The following ZDHHC18 variants were observed in gnomAD, a reference collection of about 807,000 sequenced individuals.
ZDHHC18 encodes the protein zDHHC palmitoyltransferase 18.
A neutral mutation model predicts 37.5 loss-of-function variants in ZDHHC18; 23 were observed. The observed-to-expected ratio is 0.61, with a 90% CI of 0.44 to 0.87. The LOEUF is 0.87. Among genes scored for constraint, ZDHHC18 ranks in the 40% least tolerant of loss-of-function variants. The pLI, the probability that ZDHHC18 is intolerant of heterozygous loss-of-function variation, is 0.00. For synonymous variants in ZDHHC18, 185 were observed against 218.7 expected, an observed-to-expected ratio of 0.85 and a Z score of 1.36; for missense variants, 406 against 525.6, an observed-to-expected ratio of 0.77 and a Z score of 2.22.
intron 2 of ZDHHC18, among the ~76,000 whole-genome samples, chr1:26,842,149 A>AG (rs1382158793): frequency 1.5e-4 from 22 of 149,766 alleles, no homozygotes; most frequent in Non-Finnish European, 2.4e-4. Context: ...AAAAAAAAAA[A>AG]AGAGAGAGAG....
At chr1:26,847,253 T>C (rs1392864151) in intron 2 of ZDHHC18, among the ~76,000 whole-genome samples, 6 of 152,060 alleles carry the variant, frequency 3.9e-5, no homozygotes, top group Non-Finnish European at 8.8e-5. Context: ...TCACCCTGGC[T>C]AGAGTGCAAT....
At chr1:26,832,314 C>G in intron 1 of ZDHHC18, 133 bp from the exon 2 acceptor site, 1 of 1,117,230 alleles carries the variant, frequency 9.0e-7, no homozygotes, top group South Asian at 1.5e-5. Context: ...AGCTGTGCCT[C>G]TGCCTCAGAG....
At chr1:26,828,514 T>C (rs904627648) in intron 1 of ZDHHC18, among the ~76,000 whole-genome samples, 1 of 152,038 alleles carries the variant, frequency 6.6e-6, no homozygotes, top group Admixed American at 6.6e-5. Context: ...AGTACTTGTG[T>C]TGTCTTTATC....
chr1:26,851,320 C>A, intron 6 of ZDHHC18, 89 bp downstream of exon 6: 1 of 1,262,908 alleles, frequency 7.9e-7, no homozygotes, highest in Non-Finnish European at 1.2e-6. Context: ...CAAGCACAGT[C>A]CTGACTCACG....
chr1:26,826,690 T>G lies in ZDHHC18; in HGVS notation c.-115T>G. On this transcript the variant is annotated 5_prime_UTR_variant, in exon 1 of 8. Coordinates refer to ENST00000374142, the MANE Select transcript of ZDHHC18 (RefSeq NM_032283.3). This position sits in a 1 kb window ranked among gnomAD's most constrained non-coding sequence, Gnocchi z 5.2. ...CGGAGCGATGGCGGGGCCGCCCCAG[T>G]GAGTGAGCGAGCGAGCGCCGCGCGC... is the stretch of plus-strand genomic sequence containing the variant. The G allele has an allele frequency of 6.3e-6, 2 of 315,182 alleles. No individual in the cohort carries two copies. The highest frequency in any genetic ancestry group is 9.1e-6 in the Non-Finnish European group (2 of 219,954). 19.5% of individuals were successfully genotyped at this position (315,182 alleles called of 1,614,324 possible).
intron 1 of ZDHHC18, among the ~76,000 whole-genome samples, chr1:26,828,762 G>A (rs1454485889): frequency 6.6e-6 from 1 of 151,650 alleles, no homozygotes; most frequent in African/African-American, 2.4e-5. Context: ...AAGCTCTGGG[G>A]GGCCCAGAGC....
At chr1:26,845,488 A>G (rs1307988945) in intron 2 of ZDHHC18, among the ~76,000 whole-genome samples, 3 of 149,524 alleles carry the variant, frequency 2.0e-5, no homozygotes, top group Non-Finnish European at 4.4e-5. Flanking sequence ...GCCCACCACC[A>G]CACCCAGCTA....
intron 2 of ZDHHC18, among the ~76,000 whole-genome samples, chr1:26,839,761 T>C (rs1399454139): frequency 6.6e-6 from 1 of 152,204 alleles, no homozygotes; most frequent in African/African-American, 2.4e-5. Flanking sequence ...GAGAGTGGAC[T>C]TGCTCCAGGT....
chr1:26,829,744 GAATT>G (rs1013167733), intron 1 of ZDHHC18, among the ~76,000 whole-genome samples: 2 of 151,562 alleles, frequency 1.3e-5, no homozygotes, highest in African/African-American at 4.8e-5. Flanking sequence ...CAGTGTATTT[GAATT>G]AATTGACAGT....
Position 26,826,826 on chromosome 1 carries a change from C to T in ZDHHC18, c.22C>T (p.Gln8Ter), listed in dbSNP as rs910586635. MKDCEYQ[Q>*]ISPGAAPLPA... Reference sequence around the variant, plus strand: ...CTGCATGAAGGACTGCGAGTACCAGCAGATCAGCCCCGGGGCCGCCCCGCT... The same window carrying T: ...CTGCATGAAGGACTGCGAGTACCAGTAGATCAGCCCCGGGGCCGCCCCGCT... The change falls in exon 1 of 8, where the codon CAG (glutamine) becomes TAG (stop). Residue 8 changes from glutamine to a stop codon, truncating the protein, a stop_gained. Coordinates refer to ENST00000374142, the MANE Select transcript of ZDHHC18 (RefSeq NM_032283.3). LOFTEE classifies it high-confidence loss of function. This position sits in a 1 kb window ranked among gnomAD's most constrained non-coding sequence, Gnocchi z 5.2. 4.1e-6 allele frequency: 4 copies of T among 980,998 alleles called. No individual in the cohort carries two copies. The highest frequency in any genetic ancestry group is 3.5e-5 in the African/African-American group (2 of 56,590). 60.8% of individuals were successfully genotyped at this position (980,998 alleles called of 1,614,324 possible). A position where few individuals can be genotyped will look rare whatever the true frequency, so the allele number is the denominator to read the frequency against.
intron 2 of ZDHHC18, among the ~76,000 whole-genome samples, chr1:26,834,913 G>C (rs1256045571): frequency 6.6e-6 from 1 of 152,242 alleles, no homozygotes; most frequent in African/African-American, 2.4e-5. Flanking sequence ...ATGGGTTCCA[G>C]ACAAGTTGGC....
chr1:26,831,685 A>G (rs960550105), intron 1 of ZDHHC18, among the ~76,000 whole-genome samples: 16 of 152,214 alleles, frequency 1.1e-4, no homozygotes, highest in African/African-American at 3.9e-4. Flanking sequence ...GGACAGAGGC[A>G]TGACCATTCA....
intron 2 of ZDHHC18, 92 bp downstream of exon 2, chr1:26,832,699 C>G: frequency 6.7e-7 from 1 of 1,488,600 alleles, no homozygotes; most frequent in African/African-American, 1.4e-5. Flanking sequence ...CAAAACTATA[C>G]TAGGAACTGG....
chr1:26,840,380 C>A (rs1184581336), intron 2 of ZDHHC18, among the ~76,000 whole-genome samples: 1 of 152,194 alleles, frequency 6.6e-6, no homozygotes, highest in Non-Finnish European at 1.5e-5. Flanking sequence ...TTTGCTAAAG[C>A]CACTTGGTGA....
At position 26,855,516 on chromosome 1, in the gene ZDHHC18, G is replaced by GGTCACAGACAGCTGGGAATGGCA. The variant is rs2081729329; in HGVS notation, c.*1675_*1697dup. On this transcript the variant is annotated 3_prime_UTR_variant, in exon 8 of 8. Coordinates refer to ENST00000374142, the MANE Select transcript of ZDHHC18 (RefSeq NM_032283.3). ...TGCCCTTCTCACTCCAGAGGCTAGT[G>GGTCACAGACAGCTGGGAATGGCA]GTCACAGACAGCTGGGAATGGCAGC... 6.5e-6 allele frequency: 1 copy of GGTCACAGACAGCTGGGAATGGCA among 152,726 alleles called. No individual in the cohort carries two copies. The allele number at this position is 152,726 out of a possible 1,614,324, so 9.5% of individuals were successfully genotyped here.
chr1:26,829,617 T>A (rs1032554300), intron 1 of ZDHHC18, among the ~76,000 whole-genome samples: 1 of 152,250 alleles, frequency 6.6e-6, no homozygotes, highest in Admixed American at 6.5e-5. Context: ...GGTATACTTG[T>A]TAGTTTCTGG....
At chr1:26,827,198 A>G in intron 1 of ZDHHC18, 59 bp downstream of exon 1, 5 of 1,115,998 alleles carry the variant, frequency 4.5e-6, no homozygotes, top group East Asian at 4.3e-5. Flanking sequence ...CCACCTTCCC[A>G]ATCCCTGCTG....
chr1:26,831,755 G>A (rs1471222102), intron 1 of ZDHHC18, among the ~76,000 whole-genome samples: 1 of 152,150 alleles, frequency 6.6e-6, no homozygotes, highest in African/African-American at 2.4e-5. Flanking sequence ...CACTGCCTTG[G>A]GGATACCTGC....
At chr1:26,834,040 C>T (rs1231712413) in intron 2 of ZDHHC18, among the ~76,000 whole-genome samples, 1 of 152,178 alleles carries the variant, frequency 6.6e-6, no homozygotes, top group Admixed American at 6.5e-5. Context: ...GGTCCCTGGC[C>T]ACTCCTTCAG....
Sources: gnomAD v4.1 joint callset for allele counts (sites outside exome capture counted in the v4.1 genomes callset) on GRCh38, gnomAD v4.1.1 for gene constraint, Gnocchi (gnomAD v3.1) non-coding constraint, MANE v1.5 for transcripts, NCBI Gene and HGNC (gene_info 2026-07-23, HGNC 2026-07-21) for gene names.